Variants in SNTG1 observed in about 807,000 individuals in gnomAD.
SNTG1 encodes the protein gamma-1-syntrophin.
A neutral mutation model predicts 74.7 loss-of-function variants in SNTG1; 39 were observed. That is an observed-to-expected ratio of 0.52 (90% CI 0.40 to 0.68). The LOEUF is 0.68. SNTG1 is among the 30% of genes least tolerant of loss of function. The probability of loss-of-function intolerance (pLI) is 0.00; values close to 1 mark genes in which losing one functional copy is unlikely to be tolerated. For missense variants in SNTG1, 685 were observed against 609.5 expected (o/e 1.12, Z -1.30); for synonymous variants, 254 against 217.1 (o/e 1.17, Z -1.49).
At chr8:50,285,177 C>T (rs755365783) in intron 2 of SNTG1, among the ~76,000 whole-genome samples, 2 of 152,072 alleles carry the variant, frequency 1.3e-5, no homozygotes, top group East Asian at 1.9e-4. Context: ...TCAGGCCAGC[C>T]GCCCTACCTC....
chr8:50,469,771 G>A (rs1219820891), intron 8 of SNTG1, among the ~76,000 whole-genome samples: 2 of 152,146 alleles, frequency 1.3e-5, no homozygotes, highest in African/African-American at 4.8e-5. Context: ...TTCAGGCCAG[G>A]AGTTTAAAAT....
chr8:50,656,725 T>C (rs1464706044), intron 13 of SNTG1, among the ~76,000 whole-genome samples, 184 bp from the exon 14 acceptor site: 1 of 152,218 alleles, frequency 6.6e-6, no homozygotes, highest in Non-Finnish European at 1.5e-5. Context: ...TACATTCATT[T>C]ACTGAAGCCA....
intron 2 of SNTG1, among the ~76,000 whole-genome samples, chr8:50,281,938 G>A (rs1289008649): frequency 6.6e-6 from 1 of 152,102 alleles, no homozygotes; most frequent in South Asian, 2.1e-4. Context: ...ATTGACATTG[G>A]ACTTCATCTA....
At chr8:50,260,602 A>T (rs1488955438) in intron 2 of SNTG1, among the ~76,000 whole-genome samples, 2 of 152,092 alleles carry the variant, frequency 1.3e-5, no homozygotes, top group Non-Finnish European at 1.5e-5. Flanking sequence ...TAAGCATAAG[A>T]ACCAGAATCA....
At chr8:50,782,804 T>A (rs1427263559) in intron 18 of SNTG1, among the ~76,000 whole-genome samples, 2 of 152,184 alleles carry the variant, frequency 1.3e-5, no homozygotes, top group African/African-American at 4.8e-5. Flanking sequence ...TTTCTAGTTT[T>A]TCTCCTCTGT....
At chr8:50,109,016 A>T (rs1464454156) in intron 1 of SNTG1, among the ~76,000 whole-genome samples, 3 of 152,180 alleles carry the variant, frequency 2.0e-5, no homozygotes, top group African/African-American at 7.2e-5. Flanking sequence ...AGGAAATTCC[A>T]TTATTGAATA....
At chr8:50,744,791 T>C (rs1025631388) in intron 17 of SNTG1, among the ~76,000 whole-genome samples, 2 of 151,890 alleles carry the variant, frequency 1.3e-5, no homozygotes, top group Non-Finnish European at 2.9e-5. Flanking sequence ...GACCATCCAA[T>C]GAGGAAAGAG....
chr8:50,778,984 C>G (rs1433468858), intron 18 of SNTG1, among the ~76,000 whole-genome samples: 2 of 152,044 alleles, frequency 1.3e-5, no homozygotes, highest in African/African-American at 4.8e-5. Context: ...GCCTGTTTTT[C>G]TCAGGTTTGT....
At chr8:50,734,429 T>C (rs561537289) in intron 17 of SNTG1, among the ~76,000 whole-genome samples, 3 of 151,576 alleles carry the variant, frequency 2.0e-5, no homozygotes, top group East Asian at 2.0e-4. Flanking sequence ...TGAAATTCTA[T>C]ATTAATTTAT....
intron 15 of SNTG1, among the ~76,000 whole-genome samples, 174 bp downstream of exon 15, chr8:50,658,837 A>C (rs1201497069): frequency 6.6e-6 from 1 of 152,192 alleles, no homozygotes; most frequent in Non-Finnish European, 1.5e-5. Context: ...TATAGAATGC[A>C]CAGAAGTGCA....
At chr8:50,627,373 T>C (rs1172214447) in intron 13 of SNTG1, among the ~76,000 whole-genome samples, 1 of 152,154 alleles carries the variant, frequency 6.6e-6, no homozygotes, top group Non-Finnish European at 1.5e-5. Context: ...CAGGAGTGGG[T>C]CCTCTCTTGC....
chr8:50,478,811 G>A (rs2093716836), intron 8 of SNTG1, among the ~76,000 whole-genome samples: 1 of 152,024 alleles, frequency 6.6e-6, no homozygotes, highest in Admixed American at 6.6e-5. Flanking sequence ...TTTCACTGGA[G>A]TTCCATATAT....
intron 17 of SNTG1, among the ~76,000 whole-genome samples, chr8:50,733,927 C>T (rs1376995773): frequency 6.6e-6 from 1 of 151,584 alleles, no homozygotes; most frequent in Non-Finnish European, 1.5e-5. Flanking sequence ...ACTGTCATGT[C>T]TAGGACTTCA....
At chr8:50,188,009 C>T (rs1268404972) in intron 2 of SNTG1, among the ~76,000 whole-genome samples, 2 of 152,146 alleles carry the variant, frequency 1.3e-5, no homozygotes, top group Non-Finnish European at 2.9e-5. Flanking sequence ...GCCACTTTGT[C>T]ACCAGCCAAT....
chr8:50,116,965 C>A (rs1314628477), intron 1 of SNTG1, among the ~76,000 whole-genome samples: 1 of 151,904 alleles, frequency 6.6e-6, no homozygotes, highest in Non-Finnish European at 1.5e-5. Context: ...TACAGAATAC[C>A]AAAGCTTCTG....
chr8:50,679,043 T>A (rs2095320955), intron 15 of SNTG1, among the ~76,000 whole-genome samples: 1 of 152,128 alleles, frequency 6.6e-6, no homozygotes, highest in Admixed American at 6.6e-5. Context: ...AATCAAAACA[T>A]GGAATAATAT....
intron 2 of SNTG1, among the ~76,000 whole-genome samples, chr8:50,329,902 A>T (rs932231294): frequency 2.6e-5 from 4 of 152,082 alleles, no homozygotes; most frequent in African/African-American, 9.7e-5. Flanking sequence ...ATTTCAGATC[A>T]TCTCTTTCCA....
At chr8:50,594,482 G>T (rs928430215) in intron 13 of SNTG1, among the ~76,000 whole-genome samples, 1 of 150,500 alleles carries the variant, frequency 6.6e-6, no homozygotes, top group Non-Finnish European at 1.5e-5. Context: ...AAATTAATAA[G>T]GTTATACTTA....
chr8:50,715,363 T>A (rs1008439464), intron 17 of SNTG1, among the ~76,000 whole-genome samples: 6 of 152,230 alleles, frequency 3.9e-5, no homozygotes, highest in African/African-American at 1.2e-4. Flanking sequence ...TATAGTCTGA[T>A]TGCTTTTATT....
Sources: allele counts gnomAD v4.1 joint callset (sites outside exome capture counted in the v4.1 genomes callset), GRCh38; gene constraint gnomAD v4.1.1; transcripts MANE v1.5; gene names NCBI Gene and HGNC (gene_info 2026-07-23, HGNC 2026-07-21).